Variants in GALNTL6 observed in about 807,000 individuals in gnomAD.
GALNTL6 encodes the protein polypeptide N-acetylgalactosaminyltransferase like 6.
In GALNTL6, 46 loss-of-function variants were observed where a neutral mutation model predicts 73.7. That is an observed-to-expected ratio of 0.62 (90% CI 0.49 to 0.80). The LOEUF is 0.80. Ranked by LOEUF, GALNTL6 falls within the 30% of genes least tolerant of loss-of-function variation. The probability of loss-of-function intolerance (pLI) is 0.00; values close to 1 mark genes in which losing one functional copy is unlikely to be tolerated. For synonymous variants in GALNTL6, 259 were observed against 263.7 expected (o/e 0.98, Z 0.17); for missense variants, 604 against 755.0 (o/e 0.80, Z 2.34).
intron 5 of GALNTL6, among the ~76,000 whole-genome samples, chr4:172,778,051 A>G (rs1234819896): frequency 6.6e-6 from 1 of 152,262 alleles, no homozygotes; most frequent in Non-Finnish European, 1.5e-5. Flanking sequence ...GTAGCAGAGG[A>G]GCTCACAAAA....
chr4:172,649,919 A>G (rs1042269528), intron 5 of GALNTL6, among the ~76,000 whole-genome samples: 1 of 152,186 alleles, frequency 6.6e-6, no homozygotes, highest in African/African-American at 2.4e-5. Flanking sequence ...AAAGCACTCA[A>G]ACATATTTTG....
intron 2 of GALNTL6, among the ~76,000 whole-genome samples, chr4:172,096,376 T>C (rs1732359214): frequency 6.6e-6 from 1 of 152,182 alleles, no homozygotes; most frequent in Non-Finnish European, 1.5e-5. Flanking sequence ...ATTATAGGCA[T>C]GAGCCACTGC....
chr4:171,872,822 G>A (rs1219831054), intron 2 of GALNTL6, among the ~76,000 whole-genome samples: 3 of 152,092 alleles, frequency 2.0e-5, no homozygotes, highest in African/African-American at 7.2e-5. Flanking sequence ...TTCCAAATAA[G>A]GTCACATTCT....
chr4:172,904,747 G>C (rs1746797463), intron 8 of GALNTL6, among the ~76,000 whole-genome samples: 1 of 151,194 alleles, frequency 6.6e-6, no homozygotes, highest in African/African-American at 2.4e-5. Flanking sequence ...CTCTTAAGCA[G>C]AAAAAAAAAG....
chr4:172,123,431 G>T (rs1231303959), intron 2 of GALNTL6, among the ~76,000 whole-genome samples: 3 of 146,078 alleles, frequency 2.1e-5, no homozygotes, highest in Non-Finnish European at 4.5e-5. Context: ...TAGCTTAAAA[G>T]AAAAAGTTTT....
chr4:172,668,171 A>G (rs1036699529), intron 5 of GALNTL6: 2 of 152,212 alleles, frequency 1.3e-5, no homozygotes, highest in Non-Finnish European at 2.9e-5. Flanking sequence ...TATTATTGCC[A>G]TTGATGAGTT....
chr4:172,982,919 G>A (rs1232231774), intron 10 of GALNTL6, among the ~76,000 whole-genome samples: 2 of 152,060 alleles, frequency 1.3e-5, no homozygotes, highest in Non-Finnish European at 2.9e-5. Context: ...CTCATAAGTA[G>A]GTGCTAAAAA....
intron 2 of GALNTL6, among the ~76,000 whole-genome samples, chr4:172,165,040 A>G (rs1309848499): frequency 6.6e-6 from 1 of 152,126 alleles, no homozygotes; most frequent in Non-Finnish European, 1.5e-5. Flanking sequence ...TCTGGACTAT[A>G]TGTCTTCAGA....
chr4:171,861,665 C>T (rs575258926), intron 2 of GALNTL6, among the ~76,000 whole-genome samples: 1 of 152,186 alleles, frequency 6.6e-6, no homozygotes, highest in Admixed American at 6.5e-5. Context: ...TGCCACTTAC[C>T]TATATTATTA....
chr4:172,244,125 C>T (rs960429145), intron 3 of GALNTL6, among the ~76,000 whole-genome samples: 3 of 151,910 alleles, frequency 2.0e-5, no homozygotes, highest in African/African-American at 7.3e-5. Context: ...GGAGGTATTA[C>T]CAAAACAATA....
chr4:172,586,473 C>T lies in GALNTL6; in HGVS notation c.554-222888C>T, dbSNP rs960772377. ...ACCAACAGTAGTTGCTCTGGGAATTCAGAAAAAAAAAAAAAAAAGGACATT... is the reference window on the plus strand; with the variant it reads ...ACCAACAGTAGTTGCTCTGGGAATTTAGAAAAAAAAAAAAAAAAGGACATT... On this transcript the variant is annotated intron_variant, in intron 5 of 12. Coordinates refer to ENST00000506823, the MANE Select transcript of GALNTL6 (RefSeq NM_001034845.3). 7.9e-5 allele frequency among the ~76,000 whole-genome samples: 7 copies of T among 88,330 alleles called. 1 individual carries two copies. Among genetic ancestry groups the T allele is most frequent in the Admixed American group, 2.5e-4 (2 of 8,066 alleles). The allele number at this position is 88,330 out of a possible 152,430, so 57.9% of individuals were successfully genotyped here.
At chr4:172,909,219 A>G (rs1213646312) in intron 8 of GALNTL6, among the ~76,000 whole-genome samples, 3 of 151,870 alleles carry the variant, frequency 2.0e-5, no homozygotes, top group African/African-American at 7.2e-5. Context: ...CTAAGAAGAC[A>G]AATCATTTTA....
At chr4:171,888,179 G>A (rs925855490) in intron 2 of GALNTL6, among the ~76,000 whole-genome samples, 2 of 151,786 alleles carry the variant, frequency 1.3e-5, no homozygotes, top group East Asian at 1.9e-4. Context: ...GAACCTAAAC[G>A]TCAGTGAGAA....
At chr4:172,574,207 C>T (rs1488837943) in intron 5 of GALNTL6, among the ~76,000 whole-genome samples, 1 of 152,002 alleles carries the variant, frequency 6.6e-6, no homozygotes, top group Non-Finnish European at 1.5e-5. Context: ...GAAGTGATTG[C>T]AGAAGAAAAA....
chr4:172,429,598 T>G (rs1731365912), intron 5 of GALNTL6, among the ~76,000 whole-genome samples: 4 of 152,186 alleles, frequency 2.6e-5, no homozygotes, highest in Admixed American at 2.6e-4. Context: ...GTTTTACTAT[T>G]ACATCAGGCA....
intron 5 of GALNTL6, among the ~76,000 whole-genome samples, chr4:172,425,040 T>C (rs1731179746): frequency 6.6e-6 from 1 of 152,134 alleles, no homozygotes; most frequent in African/African-American, 2.4e-5. Flanking sequence ...TCTGCAGTGC[T>C]GACTTATTTG....
chr4:172,278,747 A>G (rs540590858), intron 3 of GALNTL6, among the ~76,000 whole-genome samples: 4 of 152,324 alleles, frequency 2.6e-5, no homozygotes, highest in African/African-American at 9.6e-5. Context: ...CAAAAAAATT[A>G]AGAACTCCAA....
At chr4:172,223,318 CTG>C (rs1736749974) in intron 2 of GALNTL6, among the ~76,000 whole-genome samples, 1 of 152,018 alleles carries the variant, frequency 6.6e-6, no homozygotes, top group Non-Finnish European at 1.5e-5. Flanking sequence ...ACTAATTTAT[CTG>C]TGTTTGTACA....
At chr4:172,862,500 C>A (rs951580874) in intron 7 of GALNTL6, among the ~76,000 whole-genome samples, 3 of 152,128 alleles carry the variant, frequency 2.0e-5, no homozygotes, top group Non-Finnish European at 4.4e-5. Context: ...AGTTCAAGAC[C>A]AGCCTGGCCA....
Sources: allele counts gnomAD v4.1 joint callset (sites outside exome capture counted in the v4.1 genomes callset), GRCh38; gene constraint gnomAD v4.1.1; transcripts MANE v1.5; gene names NCBI Gene and HGNC (gene_info 2026-07-23, HGNC 2026-07-21).